SLC4A10: variants seen among roughly 807,000 people sequenced by gnomAD.
The protein encoded by SLC4A10 is sodium-driven chloride bicarbonate exchanger.
Under a neutral mutation model 137.7 loss-of-function variants are expected in SLC4A10, and 42 were observed. The ratio of observed to expected loss-of-function variants is 0.30; its 90% CI spans 0.24 to 0.39. SLC4A10 has a LOEUF of 0.39. Ranked by LOEUF, SLC4A10 falls within the 10% of genes least tolerant of loss-of-function variation. The pLI, the probability that SLC4A10 is intolerant of heterozygous loss-of-function variation, is 1.00. For synonymous variants in SLC4A10, 474 were observed against 464.1 expected (o/e 1.02, Z -0.27); for missense variants, 925 against 1,355.0 (o/e 0.68, Z 4.98).
intron 15 of SLC4A10, among the ~76,000 whole-genome samples, chr2:161,908,598 T>TAA (rs200861446): frequency 7.2e-6 from 1 of 139,226 alleles, no homozygotes. Context: ...ATAATAAAAT[T>TAA]AAAAAAAAAA....
At chr2:161,914,626 T>C (rs1307097188) in intron 15 of SLC4A10, among the ~76,000 whole-genome samples, 1 of 152,078 alleles carries the variant, frequency 6.6e-6, no homozygotes, top group Non-Finnish European at 1.5e-5. Flanking sequence ...CATTTTGATA[T>C]CTAAATGAAT....
At chr2:161,654,397 A>G (rs1043529440) in intron 1 of SLC4A10, among the ~76,000 whole-genome samples, 1 of 152,022 alleles carries the variant, frequency 6.6e-6, no homozygotes, top group Non-Finnish European at 1.5e-5. Flanking sequence ...TTGTAGTTGC[A>G]TTTGTATATT....
At chr2:161,703,114 A>T (rs59067842) in intron 1 of SLC4A10, among the ~76,000 whole-genome samples, 2,255 of 151,808 alleles carry the variant, frequency 0.015, 60 homozygotes, top group African/African-American at 0.051. Flanking sequence ...GAAATTCAGC[A>T]ATTTTTACCC....
intron 1 of SLC4A10, among the ~76,000 whole-genome samples, chr2:161,757,090 T>C (rs961829188): frequency 2.0e-5 from 3 of 152,156 alleles, no homozygotes; most frequent in African/African-American, 7.2e-5. Context: ...GACATAAATA[T>C]GGGAATAATA....
At chr2:161,820,734 G>A (rs1382422022) in intron 3 of SLC4A10, among the ~76,000 whole-genome samples, 2 of 152,154 alleles carry the variant, frequency 1.3e-5, no homozygotes, top group East Asian at 3.9e-4. Flanking sequence ...GCTACTACAA[G>A]TAATAATGCT....
chr2:161,743,161 G>A (rs1268971298), intron 1 of SLC4A10, among the ~76,000 whole-genome samples: 13 of 152,092 alleles, frequency 8.5e-5, no homozygotes, highest in Admixed American at 8.5e-4. Context: ...GGTTGCCTGT[G>A]CTTTTTGGGT....
At chr2:161,774,397 A>G (rs1470492906) in intron 2 of SLC4A10, among the ~76,000 whole-genome samples, 4 of 151,834 alleles carry the variant, frequency 2.6e-5, no homozygotes, top group African/African-American at 7.2e-5. Context: ...TTTATTTATT[A>G]TTTTTTATTT....
chr2:161,862,400 T>G (rs1278684308), intron 5 of SLC4A10, among the ~76,000 whole-genome samples: 3 of 152,184 alleles, frequency 2.0e-5, no homozygotes, highest in African/African-American at 7.2e-5. Flanking sequence ...GAAATTAGTC[T>G]GTACTAGAAA....
At chr2:161,854,456 G>T (rs1362886206) in intron 4 of SLC4A10, among the ~76,000 whole-genome samples, 3 of 152,070 alleles carry the variant, frequency 2.0e-5, no homozygotes, top group African/African-American at 7.2e-5. Context: ...GCTATCACTA[G>T]CTTTCATCCA....
intron 5 of SLC4A10, among the ~76,000 whole-genome samples, chr2:161,858,002 G>A (rs1296164398): frequency 6.6e-6 from 1 of 152,088 alleles, no homozygotes; most frequent in Admixed American, 6.6e-5. Flanking sequence ...ATGAGTCACT[G>A]TGCCCAACCA....
chr2:161,880,963 A>G (rs1436693339), intron 9 of SLC4A10, among the ~76,000 whole-genome samples: 2 of 152,080 alleles, frequency 1.3e-5, no homozygotes, highest in African/African-American at 2.4e-5. Flanking sequence ...GGTTTAAGTG[A>G]CCTTATTTCA....
chr2:161,912,603 C>T (rs1430465542), intron 15 of SLC4A10, among the ~76,000 whole-genome samples: 4 of 152,088 alleles, frequency 2.6e-5, no homozygotes, highest in Non-Finnish European at 4.4e-5. Context: ...GGAGTCCTAG[C>T]TCTAGGAGTG....
At chr2:161,741,961 A>G (rs930948915) in intron 1 of SLC4A10, among the ~76,000 whole-genome samples, 1 of 151,972 alleles carries the variant, frequency 6.6e-6, no homozygotes, top group Non-Finnish European at 1.5e-5. Context: ...TCTTCATTCC[A>G]CCTTTCCCCT....
chr2:161,901,484 A>G (rs1683095700), intron 12 of SLC4A10, among the ~76,000 whole-genome samples: 1 of 152,182 alleles, frequency 6.6e-6, no homozygotes, highest in Admixed American at 6.5e-5. Flanking sequence ...ACATCTTTGA[A>G]GAGATGAAAG....
At chr2:161,641,819 T>C (rs1574050966) in intron 1 of SLC4A10, among the ~76,000 whole-genome samples, 2 of 152,012 alleles carry the variant, frequency 1.3e-5, no homozygotes, top group Admixed American at 6.5e-5. Flanking sequence ...GATAATGAAA[T>C]GGTGAACTTA....
At chr2:161,813,279 T>C (rs531860393) in intron 3 of SLC4A10, among the ~76,000 whole-genome samples, 12 of 152,120 alleles carry the variant, frequency 7.9e-5, no homozygotes, top group Non-Finnish European at 1.8e-4. Context: ...TATCTTAAGA[T>C]TGCTTAATGA....
At chr2:161,685,143 G>C (rs1322147342) in intron 1 of SLC4A10, among the ~76,000 whole-genome samples, 1 of 152,144 alleles carries the variant, frequency 6.6e-6, no homozygotes, top group Non-Finnish European at 1.5e-5. Flanking sequence ...TTTATTTACT[G>C]AGTTATGGTT....
chr2:161,956,131 T>A (rs1299603568), intron 19 of SLC4A10, among the ~76,000 whole-genome samples: 1 of 152,178 alleles, frequency 6.6e-6, no homozygotes, highest in Non-Finnish European at 1.5e-5. Flanking sequence ...AATATAATAG[T>A]ACCTAACATT....
At chr2:161,704,065 G>A (rs1450573762) in intron 1 of SLC4A10, among the ~76,000 whole-genome samples, 1 of 151,640 alleles carries the variant, frequency 6.6e-6, no homozygotes, top group Non-Finnish European at 1.5e-5. Context: ...CTCAAAAAAA[G>A]AGAAGTAGGT....
Sources: allele counts gnomAD v4.1 joint callset (sites outside exome capture counted in the v4.1 genomes callset), GRCh38; gene constraint gnomAD v4.1.1; transcripts MANE v1.5; gene names NCBI Gene and HGNC (gene_info 2026-07-23, HGNC 2026-07-21).